Variants in TRIO observed in about 807,000 individuals in gnomAD.
The protein encoded by TRIO is triple functional domain protein.
Under a neutral mutation model 351.9 loss-of-function variants are expected in TRIO, and 58 were observed. That is an observed-to-expected ratio of 0.16 (90% confidence interval 0.13 to 0.21). The LOEUF (loss-of-function observed/expected upper bound fraction) is 0.21. Ranked by LOEUF, TRIO falls within the 10% of genes least tolerant of loss-of-function variation. The probability of loss-of-function intolerance (pLI) is 1.00; values close to 1 mark genes in which losing one functional copy is unlikely to be tolerated. For synonymous variants in TRIO, 1,758 were observed against 1,595.7 expected, an observed-to-expected ratio of 1.10 and a Z score of -2.42; for missense variants, 3,201 against 4,027.8, an observed-to-expected ratio of 0.79 and a Z score of 5.56.
chr5:14,326,688 G>C (rs1397596619), intron 9 of TRIO, among the ~76,000 whole-genome samples: 1 of 152,260 alleles, frequency 6.6e-6, no homozygotes, highest in East Asian at 1.9e-4. Flanking sequence ...TAACAGGACT[G>C]TCTGGGAAGG....
intron 1 of TRIO, among the ~76,000 whole-genome samples, chr5:14,250,837 T>C (rs1179305273): frequency 6.6e-6 from 1 of 152,180 alleles, no homozygotes; most frequent in Non-Finnish European, 1.5e-5. Context: ...CCAGATTTGC[T>C]CAGGTGAATT....
intron 1 of TRIO, among the ~76,000 whole-genome samples, chr5:14,259,374 G>C (rs1236222123): frequency 6.6e-6 from 1 of 152,180 alleles, no homozygotes; most frequent in African/African-American, 2.4e-5. Context: ...GTAATTTGAG[G>C]GGAAAGGGGT....
intron 31 of TRIO, among the ~76,000 whole-genome samples, chr5:14,403,240 G>T (rs1255536813): frequency 7.2e-6 from 1 of 138,110 alleles, no homozygotes; most frequent in Non-Finnish European, 1.6e-5. Flanking sequence ...TGTAGGTTGT[G>T]GTGAGGGTAC....
intron 10 of TRIO, among the ~76,000 whole-genome samples, chr5:14,335,149 A>G (rs562511598): frequency 2.6e-5 from 4 of 152,302 alleles, no homozygotes; most frequent in South Asian, 2.1e-4. Context: ...CTCCTTCGCT[A>G]TATTTATAAC....
At position 14,412,420 on chromosome 5, in the gene TRIO, T is replaced by C. The variant is rs1158005775; in HGVS notation, c.4959+5748T>C. Among the ~76,000 whole-genome samples the C allele has an allele frequency of 2.0e-5, 3 of 152,256 alleles. No homozygotes were observed. In the East Asian group the frequency reaches 5.8e-4, roughly 29 times the overall value. Reference sequence around the variant, plus strand: ...TAGTATGTAAAGTAGTTAATGCCAATACATTTTGAAATATGGCCTAATTCA... The same window carrying C: ...TAGTATGTAAAGTAGTTAATGCCAACACATTTTGAAATATGGCCTAATTCA... On this transcript the variant is annotated intron_variant, in intron 33 of 56. Coordinates refer to ENST00000344204, the MANE Select transcript of TRIO (RefSeq NM_007118.4).
chr5:14,152,123 T>C (rs1294006416), intron 1 of TRIO, among the ~76,000 whole-genome samples: 28 of 152,184 alleles, frequency 1.8e-4, no homozygotes. Flanking sequence ...TATTTTGACA[T>C]CTAAATAACT....
intron 4 of TRIO, 147 bp downstream of exon 4, chr5:14,287,210 C>T (rs2152281927): frequency 1.3e-6 from 1 of 763,696 alleles, no homozygotes; most frequent in Non-Finnish European, 2.1e-6. Context: ...AAATTAGTTA[C>T]TGCATGAAAT....
rs1307517051 is a variant in TRIO, at chr5:14,509,752, G to A, written c.*1330G>A. The A allele has an allele frequency of 1.2e-5, 3 of 241,150 alleles. No homozygotes were observed. The highest frequency in any genetic ancestry group is 2.4e-5 in the African/African-American group (1 of 42,296). 14.9% of individuals were successfully genotyped at this position (241,150 alleles called of 1,614,324 possible). On this transcript the variant is annotated 3_prime_UTR_variant, in exon 57 of 57. Transcript: ENST00000344204. ...TGTGGCAGCATTCGCACTGGTGTGG[G>A]GAGTCCTTTCAACTCAAGGAGGCTG...
chr5:14,430,955 G>A (rs934895197), intron 34 of TRIO, among the ~76,000 whole-genome samples: 2 of 152,082 alleles, frequency 1.3e-5, no homozygotes, highest in Non-Finnish European at 2.9e-5. Context: ...CAGGTGATCC[G>A]CCTTCCTCGA....
chr5:14,147,217 G>GA (rs1411004335), intron 1 of TRIO, among the ~76,000 whole-genome samples: 1 of 152,202 alleles, frequency 6.6e-6, no homozygotes, highest in East Asian at 1.9e-4. Flanking sequence ...TACAGATGAG[G>GA]AATCAGCCTT....
intron 34 of TRIO, among the ~76,000 whole-genome samples, chr5:14,450,523 T>G (rs1752779627): frequency 6.6e-6 from 1 of 152,104 alleles, no homozygotes; most frequent in South Asian, 2.1e-4. Flanking sequence ...GGCCTCTGGT[T>G]GAATCTTGGG....
intron 37 of TRIO, among the ~76,000 whole-genome samples, chr5:14,468,904 C>T (rs1317957508): frequency 6.6e-6 from 1 of 152,142 alleles, no homozygotes; most frequent in Non-Finnish European, 1.5e-5. Context: ...ATGAAAGCCC[C>T]CCTGAAAACT....
intron 37 of TRIO, among the ~76,000 whole-genome samples, chr5:14,469,391 A>G (rs1579747650): frequency 6.6e-6 from 1 of 152,370 alleles, no homozygotes; most frequent in East Asian, 1.9e-4. Context: ...TTGATAGTAA[A>G]TTTAAAATGA....
At chr5:14,462,704 C>T (rs375961275) in intron 35 of TRIO, 51 bp from the exon 36 acceptor site, 15 of 1,605,450 alleles carry the variant, frequency 9.3e-6, no homozygotes, top group South Asian at 2.2e-5. Flanking sequence ...CCTTGGTCCA[C>T]GTCTGTGAAC....
chr5:14,446,987 T>C (rs1752486470), intron 34 of TRIO, among the ~76,000 whole-genome samples: 1 of 152,172 alleles, frequency 6.6e-6, no homozygotes, highest in South Asian at 2.1e-4. Context: ...TCCCAATACT[T>C]TGGGAGGCCG....
chr5:14,245,841 T>C (rs1794407825), intron 1 of TRIO, among the ~76,000 whole-genome samples: 1 of 152,236 alleles, frequency 6.6e-6, no homozygotes, highest in Non-Finnish European at 1.5e-5. Flanking sequence ...TTGGCCTTCC[T>C]AAAGCACAGT....
chr5:14,355,434 A>G (rs1743533769), intron 11 of TRIO, among the ~76,000 whole-genome samples: 1 of 152,164 alleles, frequency 6.6e-6, no homozygotes, highest in Non-Finnish European at 1.5e-5. Context: ...TGCTCCTCGT[A>G]GTGACGCCTT....
At chr5:14,405,657 G>A (rs1031061093) in intron 31 of TRIO, among the ~76,000 whole-genome samples, 191 bp from the exon 32 acceptor site, 1 of 152,094 alleles carries the variant, frequency 6.6e-6, no homozygotes, top group Non-Finnish European at 1.5e-5. Context: ...AAACAAAAAA[G>A]GTTTTGATGA....
At chr5:14,365,259 T>A (rs1744494725) in intron 15 of TRIO, among the ~76,000 whole-genome samples, 1 of 152,150 alleles carries the variant, frequency 6.6e-6, no homozygotes, top group African/African-American at 2.4e-5. Context: ...CATGACAAAG[T>A]GAAAATGGGA....
Sources: allele counts gnomAD v4.1 joint callset (sites outside exome capture counted in the v4.1 genomes callset), GRCh38; gene constraint gnomAD v4.1.1; transcripts MANE v1.5; gene names NCBI Gene and HGNC (gene_info 2026-07-23, HGNC 2026-07-21).